WASF3: variants seen among roughly 807,000 people sequenced by gnomAD.
WASF3 encodes the protein actin-binding protein WASF3.
A neutral mutation model predicts 46.6 loss-of-function variants in WASF3; 11 were observed. That is an observed-to-expected ratio of 0.24 (90% confidence interval 0.15 to 0.39). WASF3 has a LOEUF of 0.39. Among genes scored for constraint, WASF3 ranks in the 10% least tolerant of loss-of-function variants. WASF3 has a pLI of 1.00. For missense variants in WASF3, 576 were observed against 669.8 expected (o/e 0.86, Z 1.55); for synonymous variants, 242 against 259.7 (o/e 0.93, Z 0.65).
At chr13:26,678,944 C>T (rs537989072) in intron 7 of WASF3, among the ~76,000 whole-genome samples, 1 of 152,242 alleles carries the variant, frequency 6.6e-6, no homozygotes, top group African/African-American at 2.4e-5. Flanking sequence ...CGCCTCTGGC[C>T]CTCCCGGCCC....
chr13:26,623,739 C>T (rs533700994), intron 2 of WASF3, among the ~76,000 whole-genome samples: 1 of 152,266 alleles, frequency 6.6e-6, no homozygotes, highest in South Asian at 2.1e-4. Flanking sequence ...AGCAAGGAGC[C>T]TAGCACCTGG....
At chr13:26,680,911 C>A in intron 7 of WASF3, 143 bp from the exon 8 acceptor site, 1 of 1,003,712 alleles carries the variant, frequency 1.0e-6, no homozygotes, top group Non-Finnish European at 1.5e-6. Context: ...TCTCACGGGG[C>A]TATACCTAGT....
At chr13:26,540,008 A>G in the WASF3 span, among the ~76,000 whole-genome samples, 3 of 152,098 alleles carry the variant, frequency 2.0e-5, no homozygotes, top group Non-Finnish European at 2.9e-5. Context: ...AGCAGGCACA[A>G]ATGAAGTCCA....
intron 1 of WASF3, among the ~76,000 whole-genome samples, chr13:26,581,988 A>T (rs1291512199): frequency 2.0e-5 from 3 of 152,244 alleles, no homozygotes; most frequent in Non-Finnish European, 4.4e-5. Context: ...TCTATAATCG[A>T]TGAGCTTCCT....
intron 1 of WASF3, among the ~76,000 whole-genome samples, chr13:26,592,831 G>T (rs1880345064): frequency 6.6e-6 from 1 of 152,042 alleles, no homozygotes; most frequent in Admixed American, 6.6e-5. Context: ...AAATGTCATT[G>T]AGCTGTGTAT....
At chr13:26,656,724 AGTTAT>A (rs1331268076) in intron 3 of WASF3, among the ~76,000 whole-genome samples, 1 of 152,110 alleles carries the variant, frequency 6.6e-6, no homozygotes, top group Admixed American at 6.6e-5. Flanking sequence ...CAATTTTGTT[AGTTAT>A]GTTTTCTCCG....
intron 1 of WASF3, among the ~76,000 whole-genome samples, chr13:26,562,303 G>A (rs548237229): frequency 1.3e-5 from 2 of 152,296 alleles, no homozygotes; most frequent in East Asian, 1.9e-4. Context: ...CATGGTGTCC[G>A]AGGAAACCTC....
chr13:26,687,184 A>G lies in WASF3; in HGVS notation c.*1339A>G, dbSNP rs1883432853. 1 of 152,238 alleles carries G rather than the reference A, an allele frequency of 6.6e-6. No homozygotes were observed. The highest frequency in any genetic ancestry group is 2.1e-4 in the South Asian group (1 of 4,832). The allele number at this position is 152,238 out of a possible 1,614,324, so 9.4% of individuals were successfully genotyped here. On this transcript the variant is annotated 3_prime_UTR_variant, in exon 10 of 10. Transcript: ENST00000335327. ...GGATGAAAGATAACTGTGTTGAACAAACAGGTGCTCCAGGCTTTGATTATA... is the reference window on the plus strand; with the variant it reads ...GGATGAAAGATAACTGTGTTGAACAGACAGGTGCTCCAGGCTTTGATTATA...
chr13:26,633,200 C>CTTTCTTTTTTT (rs1555252679), intron 2 of WASF3, among the ~76,000 whole-genome samples: 2 of 90,418 alleles, frequency 2.2e-5, no homozygotes, highest in African/African-American at 8.3e-5. Flanking sequence ...TTAGTTATTT[C>CTTTCTTTTTTT]TTTTTTTTTT....
At chr13:26,551,005 G>A in the WASF3 span, among the ~76,000 whole-genome samples, 2 of 152,184 alleles carry the variant, frequency 1.3e-5, no homozygotes, top group Non-Finnish European at 2.9e-5. Context: ...TATCAGAGGA[G>A]GGACCTGGTG....
At position 26,664,125 on chromosome 13, in the gene WASF3, A is replaced by G. The variant is rs188876750; in HGVS notation, c.134-903A>G. On this transcript the variant is annotated intron_variant, in intron 3 of 9. Coordinates refer to ENST00000335327, the MANE Select transcript of WASF3 (RefSeq NM_006646.6). ...TGGCTGTGAAAGCAGCGTATAAACT[A>G]TAAAGCACCATGGGAACTTTAGGGT... Among the ~76,000 whole-genome samples, 76 of 152,330 alleles carry G rather than the reference A, an allele frequency of 5.0e-4. No individual in the cohort carries two copies. In the Middle Eastern group the frequency reaches 0.01, roughly 20 times the overall value.
At chr13:26,557,492 A>T (rs1330175037), upstream of WASF3, among the ~76,000 whole-genome samples, 1 of 144,950 alleles carries the variant, frequency 6.9e-6, no homozygotes, top group Non-Finnish European at 1.5e-5. Context: ...CAAGGGTGAG[A>T]GCCACCGCCT....
intron 9 of WASF3, among the ~76,000 whole-genome samples, chr13:26,683,758 A>AC (rs1227444238): frequency 6.6e-6 from 1 of 151,982 alleles, no homozygotes; most frequent in Non-Finnish European, 1.5e-5. Flanking sequence ...TCCCGCGTTG[A>AC]CCCCCTGACC....
intron 1 of WASF3, among the ~76,000 whole-genome samples, chr13:26,583,630 C>T (rs1205388322): frequency 6.6e-6 from 1 of 152,094 alleles, no homozygotes; most frequent in Non-Finnish European, 1.5e-5. Context: ...TTTCTTTGAA[C>T]CATTTTTCAG....
intron 1 of WASF3, among the ~76,000 whole-genome samples, chr13:26,564,799 G>A (rs1879406423): frequency 6.6e-6 from 1 of 151,156 alleles, no homozygotes; most frequent in Non-Finnish European, 1.5e-5. Flanking sequence ...AGCAGGACTT[G>A]ATCACTACTG....
At chr13:26,588,761 A>G (rs1474644709) in intron 1 of WASF3, among the ~76,000 whole-genome samples, 1 of 152,050 alleles carries the variant, frequency 6.6e-6, no homozygotes, top group Non-Finnish European at 1.5e-5. Context: ...AACAAGTTAA[A>G]ATGGTATGGC....
chr13:26,557,754 C>CCGCGG lies in WASF3; in HGVS notation c.-166_-162dup. The CCGCGG allele has an allele frequency of 4.3e-6, 1 of 233,948 alleles. No individual in the cohort carries two copies. The highest frequency in any genetic ancestry group is 8.1e-6 in the Non-Finnish European group (1 of 122,870). The allele number at this position is 233,948 out of a possible 1,614,324, so 14.5% of individuals were successfully genotyped here. A position where few individuals can be genotyped will look rare whatever the true frequency, so the allele number is the denominator to read the frequency against. On this transcript the variant is annotated 5_prime_UTR_variant, in exon 1 of 10. Coordinates refer to ENST00000335327, the MANE Select transcript of WASF3 (RefSeq NM_006646.6). Reference sequence around the variant, plus strand: ...GGTGCGAGGCGGGTGCGCCGGGCGGCCGCGGCGCGGCGGGACCATGGAGCT... The same window carrying CCGCGG: ...GGTGCGAGGCGGGTGCGCCGGGCGGCCGCGGCGCGGCGCGGCGGGACCATGGAGCT...
At chr13:26,549,489 G>A in the WASF3 span, among the ~76,000 whole-genome samples, 1 of 152,114 alleles carries the variant, frequency 6.6e-6, no homozygotes, top group Admixed American at 6.5e-5. Context: ...TTGAGCGTTA[G>A]TGGACCTAAC....
chr13:26,665,165 A>G lies in WASF3; in HGVS notation c.268+3A>G. The stretch of plus-strand genomic sequence containing the variant: ...GCTGGATTCAACAGTGGAAGAGGGT[A>G]GGTAATTGCCTGAAAGCAGTGAGCT... On this transcript the variant is annotated splice_donor_region_variant and intron_variant, in intron 4 of 9. Transcript: ENST00000335327. 1 of 1,613,520 alleles carries G rather than the reference A, an allele frequency of 6.2e-7. No homozygotes were observed. The highest frequency in any genetic ancestry group is 8.5e-7 in the Non-Finnish European group (1 of 1,179,954).
Sources: allele counts gnomAD v4.1 joint callset (sites outside exome capture counted in the v4.1 genomes callset), GRCh38; gene constraint gnomAD v4.1.1; transcripts MANE v1.5; gene names NCBI Gene and HGNC (gene_info 2026-07-23, HGNC 2026-07-21).